Variants in C1QTNF7 observed in about 807,000 individuals in gnomAD.
C1QTNF7 encodes the protein complement C1q tumor necrosis factor-related protein 7.
A neutral mutation model predicts 19.6 loss-of-function variants in C1QTNF7; 15 were observed. That is an observed-to-expected ratio of 0.76 (90% confidence interval 0.51 to 1.18). The LOEUF (loss-of-function observed/expected upper bound fraction) is 1.18. C1QTNF7 is among the 50% of genes most tolerant of loss of function. The probability of loss-of-function intolerance (pLI) is 0.00; values close to 1 mark genes in which losing one functional copy is unlikely to be tolerated. For synonymous variants in C1QTNF7, 142 were observed against 137.5 expected (o/e 1.03, Z -0.23); for missense variants, 324 against 359.7 (o/e 0.90, Z 0.80).
intron 1 of C1QTNF7, among the ~76,000 whole-genome samples, chr4:15,368,232 G>GT (rs1363694271): frequency 1.2e-4 from 18 of 152,126 alleles, no homozygotes; most frequent in African/African-American, 4.3e-4. Flanking sequence ...GTGGTTGGAT[G>GT]TATCAGTTGT....
At chr4:15,374,623 G>A (rs1016495455) in intron 1 of C1QTNF7, 1 of 985,314 alleles carries the variant, frequency 1.0e-6, no homozygotes, top group South Asian at 4.7e-5. Context: ...TTTTGAAAGC[G>A]AATCAGGAAA....
chr4:15,418,787 GAAT>G (rs549502031), intron 1 of C1QTNF7, among the ~76,000 whole-genome samples: 53 of 152,186 alleles, frequency 3.5e-4, no homozygotes, highest in Non-Finnish European at 5.9e-4. Flanking sequence ...AGAATGCAAA[GAAT>G]AATAACAGTA....
intron 1 of C1QTNF7, among the ~76,000 whole-genome samples, chr4:15,389,746 C>T (rs915783347): frequency 6.6e-6 from 1 of 152,102 alleles, no homozygotes; most frequent in South Asian, 2.1e-4. Flanking sequence ...TGTGGAGCAC[C>T]CAGAAATCTC....
At chr4:15,362,294 A>G (rs1448831269) in intron 1 of C1QTNF7, 2 of 152,062 alleles carry the variant, frequency 1.3e-5, no homozygotes, top group Non-Finnish European at 2.9e-5. Flanking sequence ...CCCTCTATAT[A>G]GACAAGTGTA....
intron 1 of C1QTNF7, among the ~76,000 whole-genome samples, chr4:15,348,615 A>G (rs1389904547): frequency 6.6e-6 from 1 of 152,202 alleles, no homozygotes; most frequent in Non-Finnish European, 1.5e-5. Context: ...TGCCTTACCT[A>G]AAGTGGGCAG....
chr4:15,440,356 A>G (rs17469634), intron 2 of C1QTNF7, among the ~76,000 whole-genome samples: 37,210 of 151,678 alleles, frequency 0.25, 5,786 homozygotes, highest in Non-Finnish European at 0.35. Context: ...CGGAAACATC[A>G]TTCGACTAAG....
intron 1 of C1QTNF7, among the ~76,000 whole-genome samples, chr4:15,434,054 G>C (rs1052748428): frequency 1.1e-4 from 17 of 152,094 alleles, no homozygotes; most frequent in African/African-American, 4.1e-4. Flanking sequence ...GGGCTTGTCA[G>C]AAAGTGCCTT....
chr4:15,355,597 A>AAG, intron 1 of C1QTNF7, among the ~76,000 whole-genome samples: 1 of 152,226 alleles, frequency 6.6e-6, no homozygotes, highest in Admixed American at 6.5e-5. Flanking sequence ...TCAAAAAAAA[A>AAG]AATGTGGATT....
chr4:15,429,172 C>T (rs1712191797), intron 1 of C1QTNF7, among the ~76,000 whole-genome samples: 1 of 152,180 alleles, frequency 6.6e-6, no homozygotes, highest in Non-Finnish European at 1.5e-5. Context: ...AATAAGAATA[C>T]TGGGCTCTCC....
intron 1 of C1QTNF7, among the ~76,000 whole-genome samples, chr4:15,357,696 T>C (rs889848403): frequency 7.2e-5 from 11 of 152,230 alleles, no homozygotes; most frequent in Non-Finnish European, 4.4e-5. Context: ...TTTCACAATA[T>C]TGATTCTTCC....
intron 1 of C1QTNF7, among the ~76,000 whole-genome samples, chr4:15,356,882 G>A (rs574003457): frequency 1.5e-4 from 23 of 150,284 alleles, no homozygotes; most frequent in African/African-American, 3.4e-4. Context: ...TTTGTTGGCC[G>A]CATAAATGTC....
chr4:15,419,210 C>T (rs1441641525), intron 1 of C1QTNF7, among the ~76,000 whole-genome samples: 1 of 152,122 alleles, frequency 6.6e-6, no homozygotes, highest in African/African-American at 2.4e-5. Flanking sequence ...ACATACAGAC[C>T]TTTTGATCCA....
At chr4:15,384,673 T>C (rs1718266007) in intron 1 of C1QTNF7, among the ~76,000 whole-genome samples, 2 of 152,250 alleles carry the variant, frequency 1.3e-5, no homozygotes, top group South Asian at 2.1e-4. Flanking sequence ...ATCTAAACCA[T>C]AGACCATTTT....
At position 15,435,993 on chromosome 4, in the gene C1QTNF7, G is replaced by A; in HGVS notation, c.238+12G>A. 1 of 1,608,674 alleles carries A rather than the reference G, an allele frequency of 6.2e-7. No individual in the cohort carries two copies. The highest frequency in any genetic ancestry group is 2.2e-5 in the East Asian group (1 of 44,838). ...AAAGGGAACTGCAGGTAATGAATGAGAAGTTGCATAAAACACCCTCCTTCA... is the reference window on the plus strand; with the variant it reads ...AAAGGGAACTGCAGGTAATGAATGAAAAGTTGCATAAAACACCCTCCTTCA... On this transcript the variant is annotated intron_variant, in intron 2 of 2. Coordinates refer to ENST00000444304, the MANE Select transcript of C1QTNF7 (RefSeq NM_031911.5).
At chr4:15,350,201 A>AG (rs1448590931) in intron 1 of C1QTNF7, among the ~76,000 whole-genome samples, 1 of 45,614 alleles carries the variant, frequency 2.2e-5, no homozygotes, top group Non-Finnish European at 3.7e-5. Context: ...AAGGAAGGGA[A>AG]GAAGGAAGGA....
chr4:15,375,049 A>G (rs958945293), intron 1 of C1QTNF7, among the ~76,000 whole-genome samples: 1 of 151,926 alleles, frequency 6.6e-6, no homozygotes, highest in Non-Finnish European at 1.5e-5. Context: ...CTTCATAGCT[A>G]TAGATCCATA....
chr4:15,391,562 C>G (rs1248834989), intron 1 of C1QTNF7, among the ~76,000 whole-genome samples: 1 of 152,142 alleles, frequency 6.6e-6, no homozygotes, highest in Non-Finnish European at 1.5e-5. Context: ...GTGACCAATG[C>G]AAACCAGCAC....
At chr4:15,374,460 T>C (rs1475225028) in intron 1 of C1QTNF7, 2 of 639,958 alleles carry the variant, frequency 3.1e-6, no homozygotes, top group Non-Finnish European at 3.9e-6. Context: ...AGCCAACAGA[T>C]AAAGAAGGAT....
chr4:15,425,251 A>G (rs557877612), upstream of C1QTNF7, among the ~76,000 whole-genome samples: 1 of 152,238 alleles, frequency 6.6e-6, no homozygotes, highest in African/African-American at 2.4e-5. Flanking sequence ...TAATCTACTG[A>G]TATGCTCATT....
Sources: gnomAD v4.1 joint callset for allele counts (sites outside exome capture counted in the v4.1 genomes callset) on GRCh38, gnomAD v4.1.1 for gene constraint, MANE v1.5 for transcripts, NCBI Gene and HGNC (gene_info 2026-07-23, HGNC 2026-07-21) for gene names.